The following ZNF707 variants were observed in gnomAD, a reference collection of about 807,000 sequenced individuals.
ZNF707 encodes zinc finger protein 707.
A neutral mutation model predicts 13.3 loss-of-function variants in ZNF707; 8 were observed. The ratio of observed to expected loss-of-function variants is 0.60; its 90% CI spans 0.35 to 1.09. ZNF707 has a LOEUF of 1.09. ZNF707 is among the 50% of genes least tolerant of loss of function. The probability of loss-of-function intolerance (pLI) is 0.02; values close to 1 mark genes in which losing one functional copy is unlikely to be tolerated. For synonymous variants in ZNF707, 225 were observed against 205.6 expected, an observed-to-expected ratio of 1.09 and a Z score of -0.81; for missense variants, 530 against 512.6, an observed-to-expected ratio of 1.03 and a Z score of -0.33.
In ZNF707 at chr8:143,693,359, C is replaced by G. The variant is rs1317297886; in HGVS notation, c.257-312C>G. ...GCGGACTGCAGTGGCGCAATCTCGG[C>G]TCACTGCAAGCTCCGCTTCCCGGGT... On this transcript the variant is annotated intron_variant, in intron 5 of 5. Transcript: ENST00000358656. This position sits in a 1 kb window ranked among gnomAD's most constrained non-coding sequence, Gnocchi z 4.1. 4.6e-5 allele frequency among the ~76,000 whole-genome samples: 7 copies of G among 151,684 alleles called. No homozygotes were observed. The highest frequency in any genetic ancestry group is 8.8e-5 in the Non-Finnish European group (6 of 67,910).
intron 1 of ZNF707, among the ~76,000 whole-genome samples, chr8:143,686,124 G>T (rs1183861884): frequency 6.6e-6 from 1 of 151,386 alleles, no homozygotes; most frequent in Admixed American, 6.6e-5. Flanking sequence ...TTTTGAGATC[G>T]TCTCGCTCTG....
Position 143,693,751 on chromosome 8 carries a change from A to G in ZNF707, c.337A>G (p.Arg113Gly). 1.2e-6 allele frequency: 2 copies of G among 1,613,124 alleles called. No individual in the cohort carries two copies. The highest frequency in any genetic ancestry group is 1.7e-6 in the Non-Finnish European group (2 of 1,179,810). ...CAAGAAAACCCACGTGCGGCGAGAA[A>G]GAGCCAGGGAAGGAAGCAGCTTTAG... The part of the protein sequence containing the change: ...AHKKTHVRRE[R>G]AREGSSFRKG... The change falls in exon 6 of 6, where the codon AGA (arginine) becomes GGA (glycine). Residue 113 changes from arginine (R) to glycine (G), a missense_variant. Arg to Gly is a moderately radical substitution (Grantham distance 125). Coordinates refer to ENST00000358656, the MANE Select transcript of ZNF707 (RefSeq NM_001100598.2). The surrounding 1 kb of genome is among the most constrained non-coding windows in gnomAD (Gnocchi z 4.1).
Position 143,694,329 on chromosome 8 carries a change from C to CTCTGAAAATGTAAGTAAAAAGCAAAA in ZNF707, c.915_916insTCTGAAAATGTAAGTAAAAAGCAAAA (p.His306SerfsTer43). On this transcript the variant is annotated frameshift_variant, in exon 6 of 6. Coordinates refer to ENST00000358656, the MANE Select transcript of ZNF707 (RefSeq NM_001100598.2). LOFTEE classifies it low-confidence loss of function (END_TRUNC). The surrounding 1 kb of genome is among the most constrained non-coding windows in gnomAD (Gnocchi z 4.4). ...TCCGGACCAAGGAGAACCTCAGCCA[C>CTCTGAAAATGTAAGTAAAAAGCAAAA]CACCAGAGGGTCCACAGCGGGGAGA... The CTCTGAAAATGTAAGTAAAAAGCAAAA allele has an allele frequency of 6.2e-7, 1 of 1,605,846 alleles. No homozygotes were observed.
At chr8:143,691,873 C>A in intron 5 of ZNF707, 160 bp downstream of exon 5, 1 of 945,478 alleles carries the variant, frequency 1.1e-6, no homozygotes, top group Non-Finnish European at 1.6e-6. Flanking sequence ...GACGTAGGGG[C>A]AGCCACGCTC....
In ZNF707 at chr8:143,691,158, G is replaced by A. The variant is rs563343022; in HGVS notation, c.101G>A (p.Arg34Gln). 1.9e-5 allele frequency: 31 copies of A among 1,613,720 alleles called. No homozygotes were observed. In the South Asian group the frequency reaches 2.4e-4, roughly 13 times the overall value. ...GAACCCAGCCAGAGGGCCCTCTACCGGGACGTGATGCTGGACAACTTCAGC... is the reference window on the plus strand; with the variant it reads ...GAACCCAGCCAGAGGGCCCTCTACCAGGACGTGATGCTGGACAACTTCAGC... ...CLEPSQRALY[R>Q]DVMLDNFSSV... Residue 34 changes from arginine (R) to glutamine (Q), a missense_variant, in exon 4 of 6, where the codon CGG becomes CAG. By Grantham distance (43) the Arg-to-Gln change is conservative. Coordinates refer to ENST00000358656, the MANE Select transcript of ZNF707 (RefSeq NM_001100598.2).
At chr8:143,689,802 G>A (rs1224846144) in intron 2 of ZNF707, among the ~76,000 whole-genome samples, 1 of 152,198 alleles carries the variant, frequency 6.6e-6, no homozygotes, top group African/African-American at 2.4e-5. Flanking sequence ...CTGGCTTGCT[G>A]TCTGGTATTT....
chr8:143,690,021 G>T, intron 2 of ZNF707, 36 bp from the exon 3 acceptor site: 1 of 1,581,020 alleles, frequency 6.3e-7, no homozygotes. Flanking sequence ...GCATTCCCAG[G>T]CCGGCTATAC....
chr8:143,693,870 G>A lies in ZNF707; in HGVS notation c.456G>A (p.Val152=). 1 of 1,609,504 alleles carries A rather than the reference G, an allele frequency of 6.2e-7. No individual in the cohort carries two copies. Among genetic ancestry groups the A allele is most frequent in the South Asian group, 1.1e-5 (1 of 90,896 alleles). Residue 152 remains valine (V), a synonymous_variant, in exon 6 of 6, where the codon GTG becomes GTA. Transcript: ENST00000358656. This position sits in a 1 kb window ranked among gnomAD's most constrained non-coding sequence, Gnocchi z 4.1. ...AGCCCACGGCTTTCCCGTGTCAGGT[G>A]CTCACGCAGCGTTGTGGGCGGCGGC... The part of the protein sequence containing the change: ...DAKPTAFPCQ[V]LTQRCGRRPG...
chr8:143,691,447 C>CT, intron 4 of ZNF707, 153 bp from the exon 5 acceptor site: 2 of 1,042,056 alleles, frequency 1.9e-6, no homozygotes. Flanking sequence ...GTCCAGGCCC[C>CT]TCCCTTCCTG....
Position 143,691,730 on chromosome 8 carries a change from C to A in ZNF707, c.256+17C>A. 1 of 1,558,602 alleles carries A rather than the reference C, an allele frequency of 6.4e-7. No homozygotes were observed. Among genetic ancestry groups the A allele is most frequent in the Admixed American group, 1.9e-5 (1 of 53,210 alleles). On this transcript the variant is annotated intron_variant, in intron 5 of 5. Transcript: ENST00000358656. The stretch of plus-strand genomic sequence containing the variant: ...CCCGGCCAGGTGAGTGCTGGGCTGT[C>A]TGGGCTCGGCGGGCCCCGTCCCTGT...
chr8:143,694,538 C>T lies in ZNF707; in HGVS notation c.*8C>T, dbSNP rs373473246. On this transcript the variant is annotated 3_prime_UTR_variant, in exon 6 of 6. Coordinates refer to ENST00000358656, the MANE Select transcript of ZNF707 (RefSeq NM_001100598.2). The surrounding 1 kb of genome is among the most constrained non-coding windows in gnomAD (Gnocchi z 4.4). The stretch of plus-strand genomic sequence containing the variant: ...AGGCACGGGGAGGTGTAGGGGCGCC[C>T]GAAGAGTGGGGTGCTGCGCCTCTGC... 8.1e-5 allele frequency: 128 copies of T among 1,585,984 alleles called. No individual in the cohort carries two copies. In the African/African-American group the frequency reaches 1.0e-3, roughly 13 times the overall value.
intron 1 of ZNF707, among the ~76,000 whole-genome samples, chr8:143,685,776 G>A (rs1816206365): frequency 6.6e-6 from 1 of 152,154 alleles, no homozygotes; most frequent in African/African-American, 2.4e-5. Context: ...CCAGGAGGTC[G>A]AGGCTGCAGT....
chr8:143,692,359 C>G lies in ZNF707; in HGVS notation c.256+646C>G, dbSNP rs782529573. 7.1e-6 allele frequency: 9 copies of G among 1,275,358 alleles called. No homozygotes were observed. The South Asian group carries it at 1.1e-4, about 16-fold the overall frequency. 79.0% of individuals were successfully genotyped at this position (1,275,358 alleles called of 1,614,324 possible). A position where few individuals can be genotyped will look rare whatever the true frequency, so the allele number is the denominator to read the frequency against. ...TGTGGAGCCCCCGACTGTGGAGTGTCAGGTCCCTGGGTGTGTGGAGCCCCT... is the reference window on the plus strand; with the variant it reads ...TGTGGAGCCCCCGACTGTGGAGTGTGAGGTCCCTGGGTGTGTGGAGCCCCT... On this transcript the variant is annotated intron_variant, in intron 5 of 5. Coordinates refer to ENST00000358656, the MANE Select transcript of ZNF707 (RefSeq NM_001100598.2).
chr8:143,692,408 G>C (rs1172750213), intron 5 of ZNF707: 3 of 1,201,634 alleles, frequency 2.5e-6, no homozygotes, highest in Non-Finnish European at 3.3e-6. Context: ...CAGGTCCCCG[G>C]GTGTGTGGAG....
chr8:143,694,501 C>G lies in ZNF707; in HGVS notation c.1087C>G (p.Gln363Glu). 6.2e-7 allele frequency: 1 copy of G among 1,607,412 alleles called. No individual in the cohort carries two copies. The highest frequency in any genetic ancestry group is 8.5e-7 in the Non-Finnish European group (1 of 1,175,794). ...FRHLGFFTRH[Q>E]RTHRHGEV ...TCACCTGGGGTTCTTCACGCGGCAT[C>G]AGAGGACTCACAGGCACGGGGAGGT... is the stretch of plus-strand genomic sequence containing the variant. The change falls in exon 6 of 6, where the codon CAG becomes GAG. Residue 363 changes from glutamine to glutamate, a missense_variant. Gln to Glu is a conservative substitution (Grantham distance 29). Coordinates refer to ENST00000358656, the MANE Select transcript of ZNF707 (RefSeq NM_001100598.2). The surrounding 1 kb of genome is among the most constrained non-coding windows in gnomAD (Gnocchi z 4.4).
At chr8:143,690,423 T>G in intron 3 of ZNF707, 1 of 378,470 alleles carries the variant, frequency 2.6e-6, no homozygotes. Context: ...TACAAAAAAT[T>G]AGCTGGGCAC....
chr8:143,690,446 C>T (rs565485379), intron 3 of ZNF707: 127 of 322,434 alleles, frequency 3.9e-4, no homozygotes, highest in African/African-American at 2.6e-3. Context: ...ACCTGTAGGC[C>T]CAGCTACTCG....
rs781888435 is a variant in ZNF707, at chr8:143,691,908, G to A, written c.256+195G>A. 5.4e-4 allele frequency: 581 copies of A among 1,079,332 alleles called. 1 individual carries two copies. The highest frequency in any genetic ancestry group is 7.5e-4 in the Non-Finnish European group (554 of 738,782). 66.9% of individuals were successfully genotyped at this position (1,079,332 alleles called of 1,614,324 possible). ...CCTGCCCTGATGGACACTGGCCGGG[G>A]GTGGGGCTCGAAAGGCATAGTGCTG... is the stretch of plus-strand genomic sequence containing the variant. On this transcript the variant is annotated intron_variant, in intron 5 of 5. Transcript: ENST00000358656.
At position 143,691,077 on chromosome 8, in the gene ZNF707, C is replaced by T; in HGVS notation, c.20C>T (p.Pro7Leu). 1 of 1,613,886 alleles carries T rather than the reference C, an allele frequency of 6.2e-7. No homozygotes were observed. The highest frequency in any genetic ancestry group is 8.5e-7 in the Non-Finnish European group (1 of 1,179,844). The part of the protein sequence containing the change: MDMAQE[P>L]VTFRDVAIYF... ...CGGGAGCTGTGTGTGTTGCAGGAGC[C>T]AGTGACCTTCAGGGACGTGGCCATC... The change falls in exon 4 of 6, where the codon CCA becomes CTA. Residue 7 changes from proline (P) to leucine (L), a missense_variant. Physicochemically the swap from Pro to Leu is moderately conservative, Grantham distance 98 (BLOSUM62 -3). Coordinates refer to ENST00000358656, the MANE Select transcript of ZNF707 (RefSeq NM_001100598.2).
Sources: gnomAD v4.1 joint callset for allele counts (sites outside exome capture counted in the v4.1 genomes callset) on GRCh38, gnomAD v4.1.1 for gene constraint, Gnocchi (gnomAD v3.1) non-coding constraint, MANE v1.5 for transcripts, NCBI Gene and HGNC (gene_info 2026-07-23, HGNC 2026-07-21) for gene names.